The following NBEAL1 variants were observed in gnomAD, a reference collection of about 807,000 sequenced individuals.
NBEAL1 encodes neurobeachin like 1.
A neutral mutation model predicts 351.3 loss-of-function variants in NBEAL1; 273 were observed. The observed-to-expected ratio is 0.78, with a 90% CI of 0.70 to 0.86. The LOEUF (loss-of-function observed/expected upper bound fraction) is 0.86, where lower values mean the gene tolerates loss of function less well. NBEAL1 is among the 40% of genes least tolerant of loss of function. NBEAL1 has a pLI of 0.00. For synonymous variants in NBEAL1, 1,050 were observed against 1,086.4 expected, an observed-to-expected ratio of 0.97 and a Z score of 0.66; for missense variants, 2,961 against 3,201.3, an observed-to-expected ratio of 0.92 and a Z score of 1.81.
At chr2:203,190,159 T>TACACACACACAC (rs71034227) in intron 45 of NBEAL1, 133 bp from the exon 46 acceptor site, 96 of 450,538 alleles carry the variant, frequency 2.1e-4, no homozygotes, top group African/African-American at 1.6e-3. Context: ...AAGATGTGTG[T>TACACACACACAC]ACACACACAC....
intron 10 of NBEAL1, among the ~76,000 whole-genome samples, chr2:203,096,310 A>T (rs539255496): frequency 2.0e-5 from 3 of 152,152 alleles, no homozygotes; most frequent in African/African-American, 7.2e-5. Context: ...CCTTACATAT[A>T]CTCTTCCATA....
intron 2 of NBEAL1, among the ~76,000 whole-genome samples, chr2:203,024,861 GAAAT>G (rs201033250): frequency 3.9e-5 from 6 of 152,102 alleles, no homozygotes; most frequent in Non-Finnish European, 5.9e-5. Context: ...GACTCTGTCT[GAAAT>G]AAATAAATAA....
chr2:203,038,028 T>C (rs2061067272), intron 2 of NBEAL1, among the ~76,000 whole-genome samples: 1 of 149,214 alleles, frequency 6.7e-6, no homozygotes, highest in African/African-American at 2.4e-5. Flanking sequence ...CTAACATCTT[T>C]TGCTCAATAG....
chr2:203,130,712 A>G (rs1311651166), intron 25 of NBEAL1, among the ~76,000 whole-genome samples: 3 of 152,208 alleles, frequency 2.0e-5, no homozygotes, highest in African/African-American at 7.2e-5. Flanking sequence ...CATCCTCAAT[A>G]TAAAACCTCC....
chr2:203,204,830 G>A (rs2065507797), intron 51 of NBEAL1, among the ~76,000 whole-genome samples: 1 of 151,998 alleles, frequency 6.6e-6, no homozygotes, highest in South Asian at 2.1e-4. Flanking sequence ...GCTATATAGT[G>A]ATTTGACTGA....
At chr2:203,040,171 G>A (rs1254623955) in intron 2 of NBEAL1, 19 of 1,519,894 alleles carry the variant, frequency 1.3e-5, no homozygotes, top group Non-Finnish European at 1.7e-5. Context: ...AAAGAGGAAG[G>A]CTTATCAAGC....
intron 35 of NBEAL1, among the ~76,000 whole-genome samples, chr2:203,156,275 T>G (rs1428503812): frequency 6.6e-6 from 1 of 152,232 alleles, no homozygotes; most frequent in African/African-American, 2.4e-5. Flanking sequence ...ATGTTTTTCC[T>G]TATTTTCATT....
chr2:203,107,661 A>C lies in NBEAL1; in HGVS notation c.1422A>C (p.Gln474His). 6.4e-7 allele frequency: 1 copy of C among 1,552,750 alleles called. No homozygotes were observed. The highest frequency in any genetic ancestry group is 8.7e-7 in the Non-Finnish European group (1 of 1,147,232). ...GGATTTTGGGCATTAGTAATGTCCA[A>C]CCTCTCTTGCTTCTTATCCAGTGGC... ...SVGILGISNV[Q>H]PLLLLIQWLP... The change falls in exon 14 of 56, where the codon CAA becomes CAC. Residue 474 changes from glutamine to histidine, a missense_variant. Coordinates refer to ENST00000683969, the MANE Select transcript of NBEAL1 (RefSeq NM_001378026.1).
chr2:203,049,984 T>C lies in NBEAL1; in HGVS notation c.305+9T>C. The stretch of plus-strand genomic sequence containing the variant: ...TTCATTATTCTTTGCAGGTATCTAG[T>C]AGAAAAAATAAGCTAGTTTTCACTC... On this transcript the variant is annotated intron_variant, in intron 4 of 55. Coordinates refer to ENST00000683969, the MANE Select transcript of NBEAL1 (RefSeq NM_001378026.1). 1 of 1,549,540 alleles carries C rather than the reference T, an allele frequency of 6.5e-7. No individual in the cohort carries two copies. Among genetic ancestry groups the C allele is most frequent in the Non-Finnish European group, 8.7e-7 (1 of 1,145,792 alleles).
intron 4 of NBEAL1, 103 bp from the exon 5 acceptor site, chr2:203,056,324 A>G (rs1004208156): frequency 1.4e-6 from 1 of 694,812 alleles, no homozygotes; most frequent in Non-Finnish European, 2.6e-6. Context: ...TGTCATTTGC[A>G]TTTTGTTTGC....
chr2:203,173,507 T>A (rs13033443), intron 41 of NBEAL1, among the ~76,000 whole-genome samples: 3,089 of 152,228 alleles, frequency 0.02, 53 homozygotes, highest in East Asian at 0.072. Flanking sequence ...ATTAACTTAG[T>A]TATAGATTGA....
At chr2:203,177,606 CAAAT>C (rs1483540613) in intron 42 of NBEAL1, among the ~76,000 whole-genome samples, 10 of 152,136 alleles carry the variant, frequency 6.6e-5, no homozygotes, top group African/African-American at 2.4e-4. Flanking sequence ...ATAAAAAAGA[CAAAT>C]AATAACTAGT....
chr2:203,114,977 C>T (rs777318023), intron 17 of NBEAL1, among the ~76,000 whole-genome samples: 3 of 152,096 alleles, frequency 2.0e-5, no homozygotes, highest in Non-Finnish European at 2.9e-5. Flanking sequence ...GTCTTGAACT[C>T]CTGGCCTCAA....
At chr2:203,082,298 G>C (rs900449508) in intron 8 of NBEAL1, among the ~76,000 whole-genome samples, 1 of 152,190 alleles carries the variant, frequency 6.6e-6, no homozygotes. Context: ...GAAAACATCA[G>C]TTTCTCTGAA....
At chr2:203,049,037 C>T (rs1305494549) in intron 3 of NBEAL1, among the ~76,000 whole-genome samples, 1 of 151,602 alleles carries the variant, frequency 6.6e-6, no homozygotes, top group Non-Finnish European at 1.5e-5. Flanking sequence ...GACAGAGTCT[C>T]ACTCTGTCAC....
At chr2:203,049,662 A>G (rs2061292455) in intron 3 of NBEAL1, among the ~76,000 whole-genome samples, 152 bp from the exon 4 acceptor site, 1 of 152,222 alleles carries the variant, frequency 6.6e-6, no homozygotes, top group South Asian at 2.1e-4. Context: ...ATCATGTGCT[A>G]CATCTGTGTT....
At chr2:203,138,338 T>C (rs1255611941) in intron 30 of NBEAL1, 23 bp downstream of exon 30, 2 of 1,588,008 alleles carry the variant, frequency 1.3e-6, no homozygotes, top group South Asian at 2.3e-5. Flanking sequence ...CTCTTTAAAA[T>C]TATATTTTGG....
At position 203,042,189 on chromosome 2, in the gene NBEAL1, C is replaced by T. The variant is rs908708494; in HGVS notation, c.143+333C>T. ...TCAGACATTAGCCACTACAAGTCTT[C>T]GGGACCACCCATACTTCAGACCAAC... On this transcript the variant is annotated intron_variant, in intron 3 of 55. Transcript: ENST00000683969. Among the ~76,000 whole-genome samples, 7 of 152,228 alleles carry T rather than the reference C, an allele frequency of 4.6e-5. No individual in the cohort carries two copies. The South Asian group carries it at 6.2e-4, about 13-fold the overall frequency.
At chr2:203,103,073 A>G (rs2062360380) in intron 12 of NBEAL1, among the ~76,000 whole-genome samples, 3 of 151,930 alleles carry the variant, frequency 2.0e-5, no homozygotes, top group Non-Finnish European at 2.9e-5. Flanking sequence ...CATTTCTTCT[A>G]GGTTTTCTAG....
Sources: allele counts gnomAD v4.1 joint callset (sites outside exome capture counted in the v4.1 genomes callset), GRCh38; gene constraint gnomAD v4.1.1; transcripts MANE v1.5; gene names NCBI Gene and HGNC (gene_info 2026-07-23, HGNC 2026-07-21).